The following TADA2A variants were observed in gnomAD, a reference collection of about 807,000 sequenced individuals.
TADA2A encodes the protein transcriptional adapter 2-alpha.
A neutral mutation model predicts 67.4 loss-of-function variants in TADA2A; 38 were observed. The ratio of observed to expected loss-of-function variants is 0.56; its 90% CI spans 0.44 to 0.74. The LOEUF (loss-of-function observed/expected upper bound fraction) is 0.74. TADA2A is among the 30% of genes least tolerant of loss of function. The pLI, the probability that TADA2A is intolerant of heterozygous loss-of-function variation, is 0.00. For synonymous variants in TADA2A, 192 were observed against 181.6 expected, an observed-to-expected ratio of 1.06 and a Z score of -0.46; for missense variants, 454 against 547.0, an observed-to-expected ratio of 0.83 and a Z score of 1.70.
intron 10 of TADA2A, among the ~76,000 whole-genome samples, chr17:37,465,147 C>T (rs940125166): frequency 1.5e-5 from 2 of 133,486 alleles, no homozygotes; most frequent in Non-Finnish European, 3.2e-5. Flanking sequence ...GACTCCATCT[C>T]AAAAAAAAAA....
chr17:37,457,176 CTTTT>C (rs34125875), intron 8 of TADA2A, among the ~76,000 whole-genome samples: 1 of 105,978 alleles, frequency 9.4e-6, no homozygotes, highest in Non-Finnish European at 1.9e-5. Flanking sequence ...AATCATTATT[CTTTT>C]TTTTTTTTTT....
At position 37,470,611 on chromosome 17, in the gene TADA2A, A is replaced by T. The variant is rs2053765928; in HGVS notation, c.1028+79A>T. The T allele has an allele frequency of 2.2e-5, 31 of 1,393,072 alleles. No homozygotes were observed. In the South Asian group the frequency reaches 4.8e-4, roughly 22 times the overall value. 86.3% of individuals were successfully genotyped at this position (1,393,072 alleles called of 1,614,324 possible). ...TCACATATATTTTTGGGCACCCTAGATGGCAGAGTAATAATAATTGAGTAG... is the reference window on the plus strand; with the variant it reads ...TCACATATATTTTTGGGCACCCTAGTTGGCAGAGTAATAATAATTGAGTAG... On this transcript the variant is annotated intron_variant, in intron 13 of 15. Coordinates refer to ENST00000615182, the MANE Select transcript of TADA2A (RefSeq NM_001166105.3).
intron 9 of TADA2A, among the ~76,000 whole-genome samples, chr17:37,458,926 C>T (rs1209951484): frequency 6.6e-6 from 1 of 152,068 alleles, no homozygotes; most frequent in African/African-American, 2.4e-5. Flanking sequence ...GATCCTCCCT[C>T]CTCAGCTCCC....
At chr17:37,412,352 G>A (rs920266023) in intron 2 of TADA2A, among the ~76,000 whole-genome samples, 4 of 152,102 alleles carry the variant, frequency 2.6e-5, no homozygotes, top group African/African-American at 9.7e-5. Context: ...TAAGAAATGT[G>A]TCAGTGGTAA....
At position 37,422,290 on chromosome 17, in the gene TADA2A, C is replaced by T. The variant is rs529598163; in HGVS notation, c.26-1219C>T. 1.1e-3 allele frequency among the ~76,000 whole-genome samples: 160 copies of T among 147,634 alleles called. 18 individuals carry two copies. Among genetic ancestry groups the T allele is most frequent in the South Asian group, 6.4e-3 (29 of 4,558 alleles). On this transcript the variant is annotated intron_variant, in intron 2 of 15. Transcript: ENST00000615182. ...TGAACTCCTCACCTCATGATCCACC[C>T]GCCTCGGCCCCCCAAAGTGCTGGGA...
chr17:37,465,653 C>G (rs764623304), intron 11 of TADA2A, 112 bp downstream of exon 11: 215 of 1,523,778 alleles, frequency 1.4e-4, no homozygotes, highest in Non-Finnish European at 1.8e-4. Flanking sequence ...GGATATTTCT[C>G]TCTTTGTTCC....
At chr17:37,448,550 C>T (rs979547003) in intron 8 of TADA2A, among the ~76,000 whole-genome samples, 6 of 152,168 alleles carry the variant, frequency 3.9e-5, no homozygotes, top group Admixed American at 6.5e-5. Context: ...GATCTCAATG[C>T]ACATGCTTAG....
rs186204127 is a variant in TADA2A, at chr17:37,451,963, G to A, written c.605-6561G>A. ...TGCGCTGTTGCACTCCAGCCTGGGC[G>A]ACAAGAGCAAAACTGTCTCAAAAAT... On this transcript the variant is annotated intron_variant, in intron 8 of 15. Coordinates refer to ENST00000615182, the MANE Select transcript of TADA2A (RefSeq NM_001166105.3). Among the ~76,000 whole-genome samples the A allele has an allele frequency of 4.6e-5, 7 of 152,110 alleles. No homozygotes were observed. The East Asian group carries it at 1.4e-3, about 29-fold the overall frequency.
At chr17:37,438,016 T>G in intron 5 of TADA2A, 187 bp downstream of exon 5, 1 of 597,824 alleles carries the variant, frequency 1.7e-6, no homozygotes, top group Non-Finnish European at 3.0e-6. Flanking sequence ...CACGAGGATA[T>G]GGGATGTTTA....
At chr17:37,459,084 C>T (rs1489036552) in intron 9 of TADA2A, among the ~76,000 whole-genome samples, 1 of 152,088 alleles carries the variant, frequency 6.6e-6, no homozygotes, top group East Asian at 1.9e-4. Context: ...TCAATTTTTC[C>T]TTCTCTCAAT....
At chr17:37,431,464 A>T (rs1012538862) in intron 4 of TADA2A, among the ~76,000 whole-genome samples, 9 of 152,194 alleles carry the variant, frequency 5.9e-5, no homozygotes, top group Admixed American at 2.6e-4. Context: ...TGTCATTGTA[A>T]CCAACTACTA....
chr17:37,452,062 TATTAA>T (rs1290597866), intron 8 of TADA2A, among the ~76,000 whole-genome samples: 1 of 152,126 alleles, frequency 6.6e-6, no homozygotes, highest in African/African-American at 2.4e-5. Flanking sequence ...TTTTCTTTCC[TATTAA>T]ATTCATCTTA....
intron 8 of TADA2A, among the ~76,000 whole-genome samples, chr17:37,452,936 C>A (rs541785683): frequency 1.3e-5 from 2 of 152,186 alleles, no homozygotes; most frequent in Admixed American, 6.5e-5. Context: ...GTTAATTTTT[C>A]TTTTTTACCC....
chr17:37,412,583 A>T (rs776280688), intron 2 of TADA2A, among the ~76,000 whole-genome samples: 1 of 152,126 alleles, frequency 6.6e-6, no homozygotes, highest in Non-Finnish European at 1.5e-5. Flanking sequence ...CAGGAGTTTG[A>T]GACCAGCCTG....
chr17:37,444,893 G>A, intron 8 of TADA2A, 125 bp downstream of exon 8: 4 of 880,016 alleles, frequency 4.5e-6, no homozygotes, highest in Admixed American at 4.7e-5. Context: ...AAATCTAGTG[G>A]TTAAGTTGCT....
intron 11 of TADA2A, among the ~76,000 whole-genome samples, chr17:37,466,842 A>G (rs934100137): frequency 4.6e-5 from 7 of 152,210 alleles, no homozygotes; most frequent in Non-Finnish European, 8.8e-5. Context: ...TAGTTAGAGC[A>G]GGGAAACTTG....
intron 8 of TADA2A, among the ~76,000 whole-genome samples, chr17:37,448,987 G>A (rs1276109046): frequency 2.6e-5 from 4 of 151,602 alleles, no homozygotes; most frequent in Non-Finnish European, 4.4e-5. Flanking sequence ...TCACCTACTG[G>A]CAGTTCCTTT....
At chr17:37,458,015 GCAT>G (rs1256751960) in intron 8 of TADA2A, among the ~76,000 whole-genome samples, 2 of 152,058 alleles carry the variant, frequency 1.3e-5, no homozygotes, top group African/African-American at 4.8e-5. Flanking sequence ...ACCGATTATT[GCAT>G]CATCCAGGTA....
intron 3 of TADA2A, among the ~76,000 whole-genome samples, chr17:37,425,083 G>A (rs949743078): frequency 6.6e-6 from 1 of 151,238 alleles, no homozygotes; most frequent in South Asian, 2.1e-4. Flanking sequence ...GTTTTCTCAT[G>A]TTGGCCATGC....
Sources: gnomAD v4.1 joint callset for allele counts (sites outside exome capture counted in the v4.1 genomes callset) on GRCh38, gnomAD v4.1.1 for gene constraint, MANE v1.5 for transcripts, NCBI Gene and HGNC (gene_info 2026-07-23, HGNC 2026-07-21) for gene names.